Variants in EIPR1 observed in about 807,000 individuals in gnomAD.
EIPR1 encodes the protein EARP and GARP complex-interacting protein 1.
Under a neutral mutation model 48.1 loss-of-function variants are expected in EIPR1, and 25 were observed. That is an observed-to-expected ratio of 0.52 (90% CI 0.38 to 0.73). The LOEUF (loss-of-function observed/expected upper bound fraction) is 0.73. EIPR1 is among the 30% of genes least tolerant of loss of function. The pLI is 0.00. For missense variants in EIPR1, 415 were observed against 506.2 expected, an observed-to-expected ratio of 0.82 and a Z score of 1.73; for synonymous variants, 204 against 201.9, an observed-to-expected ratio of 1.01 and a Z score of -0.09.
At chr2:3,240,431 C>G (rs1302184391) in intron 4 of EIPR1, among the ~76,000 whole-genome samples, 3 of 148,520 alleles carry the variant, frequency 2.0e-5, no homozygotes, top group African/African-American at 5.0e-5. Context: ...GCAAAGCCAG[C>G]AGATCCTTCC....
chr2:3,235,912 C>A (rs1237869157), intron 4 of EIPR1, among the ~76,000 whole-genome samples: 1 of 152,182 alleles, frequency 6.6e-6, no homozygotes, highest in Non-Finnish European at 1.5e-5. Flanking sequence ...AAAGCTGGAG[C>A]TTTACGACAG....
intron 3 of EIPR1, among the ~76,000 whole-genome samples, chr2:3,322,458 G>A (rs550868317): frequency 3.2e-4 from 48 of 152,360 alleles, no homozygotes; most frequent in African/African-American, 1.0e-3. Flanking sequence ...CCGTAACCAC[G>A]GTTAAGTTTC....
chr2:3,309,922 C>A (rs1341202909), intron 3 of EIPR1, among the ~76,000 whole-genome samples: 1 of 152,106 alleles, frequency 6.6e-6, no homozygotes, highest in Non-Finnish European at 1.5e-5. Flanking sequence ...TCTGGCAGCG[C>A]CCCTGTGTAC....
intron 3 of EIPR1, among the ~76,000 whole-genome samples, chr2:3,260,430 G>T (rs773764237): frequency 6.8e-6 from 1 of 147,960 alleles, no homozygotes; most frequent in Non-Finnish European, 1.5e-5. Context: ...GGTGGAGGTT[G>T]CAGTGAGCTA....
At chr2:3,317,081 C>G (rs982523039) in intron 3 of EIPR1, among the ~76,000 whole-genome samples, 25 of 93,082 alleles carry the variant, frequency 2.7e-4, no homozygotes, top group East Asian at 9.7e-4. Flanking sequence ...GAGCGCATGA[C>G]GCACTGACCG....
intron 3 of EIPR1, among the ~76,000 whole-genome samples, chr2:3,310,513 C>A (rs865790202): frequency 3.5e-4 from 51 of 144,974 alleles, no homozygotes; most frequent in African/African-American, 1.1e-3. Context: ...ATTAGCCGGG[C>A]GTAGTGGCGG....
chr2:3,194,205 T>A, intron 6 of EIPR1, 39 bp from the exon 7 acceptor site: 1 of 1,608,502 alleles, frequency 6.2e-7, no homozygotes, highest in Non-Finnish European at 8.5e-7. Context: ...AAATAGTAAA[T>A]GGATTAGGAA....
At position 3,275,264 on chromosome 2, in the gene EIPR1, C is replaced by T. The variant is rs544821251; in HGVS notation, c.260-17809G>A. Among the ~76,000 whole-genome samples, 17 of 150,018 alleles carry T rather than the reference C, an allele frequency of 1.1e-4. No individual in the cohort carries two copies. The South Asian group carries it at 3.5e-3, about 31-fold the overall frequency. ...CTGATTTAGCCATATTAATATTTGCCAAAATAGATCTGAGCAAAAGCAGTA... is the reference window on the plus strand; with the variant it reads ...CTGATTTAGCCATATTAATATTTGCTAAAATAGATCTGAGCAAAAGCAGTA... On this transcript the variant is annotated intron_variant, in intron 3 of 8. Coordinates refer to ENST00000382125, the MANE Select transcript of EIPR1 (RefSeq NM_003310.5).
Position 3,218,401 on chromosome 2 carries a change from C to T in EIPR1, c.417-4153G>A, listed in dbSNP as rs577985887. ...GTGCACACCCAACATGGCCCTGATA[C>T]GCTCTAGAGCATTCACAGTGAGTCA... On this transcript the variant is annotated intron_variant, in intron 4 of 8. Transcript: ENST00000382125. 7.5e-4 allele frequency among the ~76,000 whole-genome samples: 110 copies of T among 147,456 alleles called. 1 individual carries two copies. Among genetic ancestry groups the T allele is most frequent in the African/African-American group, 2.5e-3 (99 of 39,638 alleles).
chr2:3,247,975 T>C (rs571996417), intron 4 of EIPR1, among the ~76,000 whole-genome samples: 1 of 152,088 alleles, frequency 6.6e-6, no homozygotes, highest in Admixed American at 6.5e-5. Flanking sequence ...GGGAGCGACA[T>C]AGTCGAGATG....
At chr2:3,210,636 T>A (rs1281081232) in intron 5 of EIPR1, among the ~76,000 whole-genome samples, 1 of 143,552 alleles carries the variant, frequency 7.0e-6, no homozygotes, top group Non-Finnish European at 1.5e-5. Flanking sequence ...TCTTTTTTTT[T>A]TTTTTTTTTT....
At chr2:3,288,116 G>A (rs1309574871) in intron 3 of EIPR1, among the ~76,000 whole-genome samples, 1 of 152,218 alleles carries the variant, frequency 6.6e-6, no homozygotes, top group Non-Finnish European at 1.5e-5. Flanking sequence ...CGTCATGGCA[G>A]ATGAGAGCAG....
intron 4 of EIPR1, 125 bp from the exon 5 acceptor site, chr2:3,214,373 A>AT: frequency 2.5e-6 from 2 of 810,116 alleles, no homozygotes; most frequent in Admixed American, 2.3e-5. Context: ...TCACTAGAGT[A>AT]TTTTTTACAC....
chr2:3,376,616 G>A (rs959300830), intron 1 of EIPR1, among the ~76,000 whole-genome samples: 4 of 151,614 alleles, frequency 2.6e-5, no homozygotes, highest in East Asian at 1.9e-4. Flanking sequence ...ACTTAAACCC[G>A]GGAGGCGGAG....
In EIPR1 at chr2:3,197,117, T is replaced by C. The variant is rs1157813860; in HGVS notation, c.517-100A>G. ...GGATATCGTATACTCAAGGATATTA[T>C]TGAAAATAATTACTGAGGATAATTA... On this transcript the variant is annotated intron_variant, in intron 5 of 8. Transcript: ENST00000382125. 6.2e-6 allele frequency: 8 copies of C among 1,289,486 alleles called. No individual in the cohort carries two copies. The South Asian group carries it at 7.5e-5, about 12-fold the overall frequency. The allele number at this position is 1,289,486 out of a possible 1,614,324, so 79.9% of individuals were successfully genotyped here. A position where few individuals can be genotyped will look rare whatever the true frequency, so the allele number is the denominator to read the frequency against.
intron 5 of EIPR1, chr2:3,208,201 T>C: frequency 4.1e-6 from 1 of 245,054 alleles, no homozygotes; most frequent in Non-Finnish European, 7.8e-6. Flanking sequence ...TCCAATTAAC[T>C]TTTTCCAAAA....
intron 3 of EIPR1, among the ~76,000 whole-genome samples, chr2:3,278,198 C>G (rs116421606): frequency 6.6e-6 from 1 of 152,198 alleles, no homozygotes; most frequent in Admixed American, 6.5e-5. Flanking sequence ...GAGATGGAAA[C>G]GAGAGGAGGG....
chr2:3,208,782 G>A (rs1052037730), intron 5 of EIPR1: 3 of 1,549,048 alleles, frequency 1.9e-6, no homozygotes, highest in African/African-American at 1.4e-5. Flanking sequence ...TCTTCCTTGA[G>A]TGAGGCTCGT....
intron 3 of EIPR1, among the ~76,000 whole-genome samples, chr2:3,270,044 A>C (rs1667656810): frequency 1.3e-5 from 2 of 152,198 alleles, no homozygotes; most frequent in Non-Finnish European, 2.9e-5. Flanking sequence ...CAGGAGGCAA[A>C]ACTCTGAGCA....
Sources: allele counts gnomAD v4.1 joint callset (sites outside exome capture counted in the v4.1 genomes callset), GRCh38; gene constraint gnomAD v4.1.1; transcripts MANE v1.5; gene names NCBI Gene and HGNC (gene_info 2026-07-23, HGNC 2026-07-21).